The following WWTR1 variants were observed in gnomAD, a reference collection of about 807,000 sequenced individuals.
The protein encoded by WWTR1 is WW domain containing transcription regulator 1.
A neutral mutation model predicts 40.1 loss-of-function variants in WWTR1; 13 were observed. That is an observed-to-expected ratio of 0.32 (90% CI 0.21 to 0.52). The LOEUF is 0.52. Among genes scored for constraint, WWTR1 ranks in the 20% least tolerant of loss-of-function variants. WWTR1 has a pLI of 0.97. For missense variants in WWTR1, 436 were observed against 523.1 expected (o/e 0.83, Z 1.63); for synonymous variants, 230 against 210.1 (o/e 1.09, Z -0.82).
At chr3:149,708,450 T>G (rs1224049903) in intron 5 of WWTR1, among the ~76,000 whole-genome samples, 1 of 152,068 alleles carries the variant, frequency 6.6e-6, no homozygotes, top group African/African-American at 2.4e-5. Flanking sequence ...TCTATGCCCA[T>G]TAAACAACTC....
intron 2 of WWTR1, among the ~76,000 whole-genome samples, chr3:149,616,917 AGAAG>A (rs1322619477): frequency 6.6e-6 from 1 of 152,218 alleles, no homozygotes; most frequent in African/African-American, 2.4e-5. Flanking sequence ...AGAAAAAGTA[AGAAG>A]GAGGGAGGGA....
chr3:149,703,928 T>G (rs1357725433), upstream of WWTR1, among the ~76,000 whole-genome samples: 1 of 152,160 alleles, frequency 6.6e-6, no homozygotes, highest in East Asian at 1.9e-4. Context: ...AATAAACCTC[T>G]TTACCTTATA....
intron 4 of WWTR1, among the ~76,000 whole-genome samples, chr3:149,719,493 G>T (rs1715705354): frequency 6.6e-6 from 1 of 152,124 alleles, no homozygotes; most frequent in African/African-American, 2.4e-5. Flanking sequence ...ATATTCTATT[G>T]TAAGTATATA....
chr3:149,718,765 C>T (rs1715673872), intron 4 of WWTR1, among the ~76,000 whole-genome samples: 1 of 152,134 alleles, frequency 6.6e-6, no homozygotes, highest in Non-Finnish European at 1.5e-5. Context: ...TTTCACTTAG[C>T]CTAATGTCCT....
chr3:149,554,359 A>C (rs901500643), intron 3 of WWTR1, among the ~76,000 whole-genome samples: 1 of 152,202 alleles, frequency 6.6e-6, no homozygotes, highest in African/African-American at 2.4e-5. Context: ...GTCTAGTTTT[A>C]GACTTGTAAC....
intron 1 of WWTR1, among the ~76,000 whole-genome samples, chr3:149,688,109 A>T (rs1183016488): frequency 1.3e-5 from 2 of 151,918 alleles, no homozygotes; most frequent in Non-Finnish European, 2.9e-5. Context: ...GCTTAGCCAC[A>T]GTAAAATAAA....
At chr3:149,632,959 T>A (rs1711617988) in intron 2 of WWTR1, among the ~76,000 whole-genome samples, 1 of 152,242 alleles carries the variant, frequency 6.6e-6, no homozygotes, top group African/African-American at 2.4e-5. Context: ...GGGGCTTCTC[T>A]TTTTGGTGAT....
intron 2 of WWTR1, among the ~76,000 whole-genome samples, chr3:149,633,687 G>A (rs1164591101): frequency 1.8e-4 from 28 of 152,178 alleles, no homozygotes; most frequent in Admixed American, 1.8e-3. Flanking sequence ...ACTAAGAGCT[G>A]TGTAGTCAGG....
At position 149,695,500 on chromosome 3, in the gene WWTR1, C is replaced by T. The variant is rs1291415835; in HGVS notation, c.-108+7624G>A. Among the ~76,000 whole-genome samples, 5 of 152,100 alleles carry T rather than the reference C, an allele frequency of 3.3e-5. No individual in the cohort carries two copies. The East Asian group carries it at 7.7e-4, about 23-fold the overall frequency. ...AAAGGGATGGGCGCAGTGGCTTACA[C>T]CTGTAATCACAGCACTTTGGGAGGC... is the stretch of plus-strand genomic sequence containing the variant. On this transcript the variant is annotated intron_variant, in intron 1 of 7. Transcript: ENST00000465804.
intron 2 of WWTR1, 35 bp from the exon 3 acceptor site, chr3:149,573,035 T>C (rs544086561): frequency 1.3e-6 from 2 of 1,561,906 alleles, no homozygotes; most frequent in East Asian, 2.2e-5. Flanking sequence ...ATCTTTTTAA[T>C]TGTCAGCATC....
chr3:149,526,384 G>C (rs2107906131), intron 5 of WWTR1, among the ~76,000 whole-genome samples: 1 of 151,622 alleles, frequency 6.6e-6, no homozygotes, highest in Non-Finnish European at 1.5e-5. Flanking sequence ...TCAACATACA[G>C]AGTATGACAC....
At chr3:149,673,404 A>G (rs191203686) in intron 1 of WWTR1, among the ~76,000 whole-genome samples, 1 of 152,316 alleles carries the variant, frequency 6.6e-6, no homozygotes, top group East Asian at 1.9e-4. Flanking sequence ...GTAGTAGAGA[A>G]TGTAGTAACC....
At chr3:149,676,664 A>G (rs997394879) in intron 1 of WWTR1, among the ~76,000 whole-genome samples, 1 of 152,166 alleles carries the variant, frequency 6.6e-6, no homozygotes, top group African/African-American at 2.4e-5. Context: ...TAATTTGCCC[A>G]TGCGCACAGT....
At chr3:149,609,739 C>T (rs1406633682) in intron 2 of WWTR1, among the ~76,000 whole-genome samples, 1 of 152,184 alleles carries the variant, frequency 6.6e-6, no homozygotes, top group African/African-American at 2.4e-5. Context: ...TAAGTTTCAC[C>T]TTCAAAAGAG....
At chr3:149,540,966 T>C (rs1049577784) in intron 4 of WWTR1, 7 of 450,670 alleles carry the variant, frequency 1.6e-5, no homozygotes, top group Admixed American at 1.5e-4. Flanking sequence ...TGGAAGTCAA[T>C]GTGTATTTTT....
intron 5 of WWTR1, 95 bp from the exon 6 acceptor site, chr3:149,526,220 G>T: frequency 1.2e-6 from 1 of 811,570 alleles, no homozygotes; most frequent in Non-Finnish European, 1.8e-6. Flanking sequence ...TAGTGCAGTT[G>T]TGCCATGCTG....
At chr3:149,590,642 G>A (rs1202787255) in intron 2 of WWTR1, among the ~76,000 whole-genome samples, 5 of 152,088 alleles carry the variant, frequency 3.3e-5, no homozygotes, top group African/African-American at 9.7e-5. Context: ...GGGAGACTCC[G>A]TCTCAAAAAA....
At chr3:149,532,018 T>C (rs1029282502) in intron 4 of WWTR1, among the ~76,000 whole-genome samples, 2 of 152,170 alleles carry the variant, frequency 1.3e-5, no homozygotes, top group African/African-American at 4.8e-5. Context: ...GCTCCTCACA[T>C]AGGATGAACA....
chr3:149,604,576 C>T (rs1340114114), intron 2 of WWTR1, among the ~76,000 whole-genome samples: 1 of 152,214 alleles, frequency 6.6e-6, no homozygotes, highest in Non-Finnish European at 1.5e-5. Context: ...GTCACAGTTG[C>T]TGCTACAAGG....
Sources: gnomAD v4.1 joint callset for allele counts (sites outside exome capture counted in the v4.1 genomes callset) on GRCh38, gnomAD v4.1.1 for gene constraint, MANE v1.5 for transcripts, NCBI Gene and HGNC (gene_info 2026-07-23, HGNC 2026-07-21) for gene names.